The following ANGPT1 variants were observed in gnomAD, a reference collection of about 807,000 sequenced individuals.
ANGPT1 encodes angiopoietin-1.
Under a neutral mutation model 62.2 loss-of-function variants are expected in ANGPT1, and 17 were observed. That is an observed-to-expected ratio of 0.27 (90% CI 0.19 to 0.41). The LOEUF is 0.41. Ranked by LOEUF, ANGPT1 falls within the 10% of genes least tolerant of loss-of-function variation. The probability of loss-of-function intolerance (pLI) is 1.00; values close to 1 mark genes in which losing one functional copy is unlikely to be tolerated. For synonymous variants in ANGPT1, 199 were observed against 198.9 expected (o/e 1.00, Z 0.00); for missense variants, 478 against 594.9 (o/e 0.80, Z 2.04).
chr8:107,458,140 TTGAC>T (rs1397249636), intron 1 of ANGPT1, among the ~76,000 whole-genome samples: 5 of 152,124 alleles, frequency 3.3e-5, no homozygotes, highest in African/African-American at 1.2e-4. Context: ...TAAACAAGAT[TTGAC>T]TGATGTTGCA....
At chr8:107,456,951 T>A (rs1318672709) in intron 1 of ANGPT1, among the ~76,000 whole-genome samples, 2 of 152,070 alleles carry the variant, frequency 1.3e-5, no homozygotes, top group Non-Finnish European at 2.9e-5. Flanking sequence ...TAATACTTCA[T>A]TAATAAAGCA....
chr8:107,382,383 G>T (rs1816655986), intron 1 of ANGPT1, among the ~76,000 whole-genome samples: 1 of 152,062 alleles, frequency 6.6e-6, no homozygotes, highest in Non-Finnish European at 1.5e-5. Flanking sequence ...GCTGCAGTGT[G>T]TGTAAATCCC....
chr8:107,270,067 A>G (rs1208341173), intron 7 of ANGPT1, among the ~76,000 whole-genome samples: 1 of 152,042 alleles, frequency 6.6e-6, no homozygotes. Flanking sequence ...AGGCTTCAAA[A>G]TATTCCTATA....
At chr8:107,299,204 G>T (rs572812222) in intron 5 of ANGPT1, among the ~76,000 whole-genome samples, 1 of 151,146 alleles carries the variant, frequency 6.6e-6, no homozygotes, top group Non-Finnish European at 1.5e-5. Context: ...TTCAATTATC[G>T]TTAACATAAA....
Position 107,367,232 on chromosome 8 carries a change from CA to C in ANGPT1, c.298-20136del, listed in dbSNP as rs1816293376. On this transcript the variant is annotated intron_variant, in intron 1 of 8. Coordinates refer to ENST00000517746, the MANE Select transcript of ANGPT1 (RefSeq NM_001146.5). The stretch of plus-strand genomic sequence containing the variant: ...ATACAATCTTTTTGGTTTCTCAGTG[CA>C]TAAAAAAGTTGGGTTTACACTATAC... 2.6e-5 allele frequency among the ~76,000 whole-genome samples: 4 copies of C among 152,242 alleles called. No individual in the cohort carries two copies. In the South Asian group the frequency reaches 8.3e-4, roughly 32 times the overall value.
rs936988896 is a variant in ANGPT1 at position 107,252,747 on chromosome 8, T to C, written c.1337-732A>G. On this transcript the variant is annotated intron_variant, in intron 8 of 8. Coordinates refer to ENST00000517746, the MANE Select transcript of ANGPT1 (RefSeq NM_001146.5). ...GAGTAACATGGAAATTCTATGCTTGTATAGCTCTCTATAAGGATAACTGGA... is the reference window on the plus strand; with the variant it reads ...GAGTAACATGGAAATTCTATGCTTGCATAGCTCTCTATAAGGATAACTGGA... 2.0e-5 allele frequency among the ~76,000 whole-genome samples: 3 copies of C among 152,228 alleles called. No individual in the cohort carries two copies. The South Asian group carries it at 6.2e-4, about 31-fold the overall frequency.
At chr8:107,417,169 AGGGACAT>A (rs1810773160) in intron 1 of ANGPT1, among the ~76,000 whole-genome samples, 1 of 152,198 alleles carries the variant, frequency 6.6e-6, no homozygotes, top group Non-Finnish European at 1.5e-5. Flanking sequence ...AGAAATAAAA[AGGGACAT>A]GGGAGTTATA....
At chr8:107,279,553 C>T (rs1813948127) in intron 7 of ANGPT1, among the ~76,000 whole-genome samples, 1 of 152,072 alleles carries the variant, frequency 6.6e-6, no homozygotes, top group East Asian at 1.9e-4. Flanking sequence ...GTTATCAGTG[C>T]CTGTGACCTT....
At chr8:107,265,347 C>T (rs1175180213) in intron 7 of ANGPT1, among the ~76,000 whole-genome samples, 1 of 152,154 alleles carries the variant, frequency 6.6e-6, no homozygotes, top group Non-Finnish European at 1.5e-5. Flanking sequence ...GGGCAAATCA[C>T]AATAGTTGTC....
Position 107,250,646 on chromosome 8 carries a change from G to T in ANGPT1, c.*1209C>A, listed in dbSNP as rs1022824554. 4 of 151,888 alleles carry T rather than the reference G, an allele frequency of 2.6e-5. No individual in the cohort carries two copies. Among genetic ancestry groups the T allele is most frequent in the Non-Finnish European group, 5.9e-5 (4 of 67,926 alleles). The allele number at this position is 151,888 out of a possible 1,614,324, so 9.4% of individuals were successfully genotyped here. ...ATATTCCAGATTAATTAGCTATTAG[G>T]TTTTTTGCAGATATAAACATGCTAT... On this transcript the variant is annotated 3_prime_UTR_variant, in exon 9 of 9. Transcript: ENST00000517746.
intron 1 of ANGPT1, among the ~76,000 whole-genome samples, chr8:107,356,886 G>T (rs1349960832): frequency 2.6e-5 from 4 of 152,150 alleles, no homozygotes; most frequent in African/African-American, 9.7e-5. Flanking sequence ...TAATTTCTGT[G>T]CACTTTACCA....
intron 2 of ANGPT1, 38 bp from the exon 3 acceptor site, chr8:107,336,309 A>C: frequency 6.4e-7 from 1 of 1,554,148 alleles, no homozygotes; most frequent in Non-Finnish European, 8.6e-7. Context: ...AACTTCAGTC[A>C]CGAATCAAAG....
intron 7 of ANGPT1, among the ~76,000 whole-genome samples, chr8:107,271,938 C>A (rs1379622740): frequency 6.7e-6 from 1 of 148,648 alleles, no homozygotes; most frequent in African/African-American, 2.5e-5. Flanking sequence ...CTGGAAAAAT[C>A]ATCCATGCCA....
intron 1 of ANGPT1, among the ~76,000 whole-genome samples, chr8:107,388,613 C>A (rs999343309): frequency 7.2e-5 from 11 of 152,048 alleles, no homozygotes; most frequent in Admixed American, 3.3e-4. Flanking sequence ...CTGTACACCA[C>A]TTTTATGGAC....
In ANGPT1 at chr8:107,395,199, T is replaced by A. The variant is rs561247623; in HGVS notation, c.298-48102A>T. ...AGTACTTACAAACTCTTACCGAGAA[T>A]GTAGTTAAGATATTTCATGCTGGGG... On this transcript the variant is annotated intron_variant, in intron 1 of 8. Coordinates refer to ENST00000517746, the MANE Select transcript of ANGPT1 (RefSeq NM_001146.5). 1.8e-4 allele frequency among the ~76,000 whole-genome samples: 28 copies of A among 152,266 alleles called. No individual in the cohort carries two copies. The South Asian group carries it at 5.8e-3, about 32-fold the overall frequency.
chr8:107,259,538 G>T (rs1220824825), intron 8 of ANGPT1, among the ~76,000 whole-genome samples: 2 of 152,046 alleles, frequency 1.3e-5, no homozygotes, highest in Admixed American at 6.6e-5. Flanking sequence ...AAAGAAATGA[G>T]AGTTTCTACT....
chr8:107,415,952 T>C (rs1212984474), intron 1 of ANGPT1, among the ~76,000 whole-genome samples: 2 of 152,196 alleles, frequency 1.3e-5, no homozygotes, highest in South Asian at 2.1e-4. Flanking sequence ...TTGTCCATTA[T>C]AGGGGAGTGG....
chr8:107,267,027 T>G (rs1200654245), intron 7 of ANGPT1, among the ~76,000 whole-genome samples: 1 of 151,926 alleles, frequency 6.6e-6, no homozygotes, highest in African/African-American at 2.4e-5. Flanking sequence ...TACTTGTTTC[T>G]CCCCTCTAAA....
chr8:107,300,345 T>C (rs1440948806), intron 5 of ANGPT1, among the ~76,000 whole-genome samples: 1 of 151,652 alleles, frequency 6.6e-6, no homozygotes, highest in Non-Finnish European at 1.5e-5. Context: ...CTAAATTTTT[T>C]ACCTGCAAAA....
Sources: gnomAD v4.1 joint callset for allele counts (sites outside exome capture counted in the v4.1 genomes callset) on GRCh38, gnomAD v4.1.1 for gene constraint, MANE v1.5 for transcripts, NCBI Gene and HGNC (gene_info 2026-07-23, HGNC 2026-07-21) for gene names.